Variants in RIN2 observed in about 807,000 individuals in gnomAD.
The protein encoded by RIN2 is RAB5 interacting protein 2.
Under a neutral mutation model 78.0 loss-of-function variants are expected in RIN2, and 36 were observed. The ratio of observed to expected loss-of-function variants is 0.46; its 90% confidence interval spans 0.35 to 0.61. RIN2 has a LOEUF of 0.61. Ranked by LOEUF, RIN2 falls within the 20% of genes least tolerant of loss-of-function variation. The pLI is 0.00. For missense variants in RIN2, 1,087 were observed against 1,159.7 expected, an observed-to-expected ratio of 0.94 and a Z score of 0.91; for synonymous variants, 466 against 466.8, an observed-to-expected ratio of 1.00 and a Z score of 0.02.
chr20:19,906,707 A>G (rs2039234014), intron 3 of RIN2, among the ~76,000 whole-genome samples: 1 of 152,218 alleles, frequency 6.6e-6, no homozygotes. Flanking sequence ...AAGAAGCTGG[A>G]AACCTGAATT....
chr20:19,876,907 A>AAG (rs1555782274), intron 2 of RIN2, among the ~76,000 whole-genome samples: 2 of 151,426 alleles, frequency 1.3e-5, no homozygotes, highest in Non-Finnish European at 1.5e-5. Context: ...ATCTCAAAAA[A>AAG]AAAAAACAAA....
At chr20:19,897,826 A>G (rs2038804574) in intron 3 of RIN2, among the ~76,000 whole-genome samples, 1 of 151,410 alleles carries the variant, frequency 6.6e-6, no homozygotes, top group Non-Finnish European at 1.5e-5. Flanking sequence ...ATCTTCCCCC[A>G]TCAGCCTCCC....
upstream of RIN2, chr20:19,758,132 C>A (rs1399066136): frequency 1.3e-5 from 2 of 152,514 alleles, no homozygotes; most frequent in African/African-American, 4.8e-5. Flanking sequence ...AGGGACGGCC[C>A]GAGGCAAACA....
chr20:19,916,477 G>T (rs948309321), intron 3 of RIN2, among the ~76,000 whole-genome samples: 1 of 151,924 alleles, frequency 6.6e-6, no homozygotes, highest in Admixed American at 6.6e-5. Context: ...ATATTAGCTG[G>T]GCGTGGTGGC....
intron 1 of RIN2, among the ~76,000 whole-genome samples, chr20:19,772,266 T>C (rs947528293): frequency 4.6e-5 from 7 of 152,236 alleles, no homozygotes; most frequent in Non-Finnish European, 8.8e-5. Context: ...CAGCTTTCAT[T>C]TTACAAAGAA....
At chr20:19,814,659 G>A (rs1331421734) in intron 2 of RIN2, among the ~76,000 whole-genome samples, 1 of 152,120 alleles carries the variant, frequency 6.6e-6, no homozygotes. Context: ...GAGTGCAGTG[G>A]CACAATCAGA....
chr20:19,984,045 A>G (rs1393283819), intron 9 of RIN2, among the ~76,000 whole-genome samples: 1 of 138,806 alleles, frequency 7.2e-6, no homozygotes, highest in South Asian at 2.4e-4. Context: ...CCACCCAACA[A>G]CAGGCCCCCA....
intron 2 of RIN2, among the ~76,000 whole-genome samples, chr20:19,871,241 T>C (rs2037680906): frequency 6.6e-6 from 1 of 152,176 alleles, no homozygotes; most frequent in Non-Finnish European, 1.5e-5. Context: ...CACTTCTTTT[T>C]CTTTGAATTT....
intron 2 of RIN2, among the ~76,000 whole-genome samples, chr20:19,871,470 T>C (rs1453113041): frequency 6.6e-6 from 1 of 152,118 alleles, no homozygotes; most frequent in Non-Finnish European, 1.5e-5. Context: ...CCTACTAAAA[T>C]GAGGGAGCAG....
At chr20:19,977,078 G>A (rs1235693889) in intron 9 of RIN2, among the ~76,000 whole-genome samples, 1 of 152,158 alleles carries the variant, frequency 6.6e-6, no homozygotes, top group Non-Finnish European at 1.5e-5. Context: ...TATCCACACA[G>A]GCTGCCTTTT....
intron 1 of RIN2, among the ~76,000 whole-genome samples, chr20:19,773,226 T>C (rs1327536280): frequency 6.6e-6 from 1 of 152,196 alleles, no homozygotes; most frequent in East Asian, 1.9e-4. Context: ...TCCTGTTGGA[T>C]TGGGGCTCAT....
chr20:19,852,208 A>G (rs2037005090), intron 2 of RIN2, among the ~76,000 whole-genome samples: 1 of 152,236 alleles, frequency 6.6e-6, no homozygotes, highest in Admixed American at 6.5e-5. Context: ...GGAACTGCAA[A>G]GCCACATGGC....
At chr20:19,829,138 C>A (rs556779578) in intron 2 of RIN2, among the ~76,000 whole-genome samples, 1 of 152,082 alleles carries the variant, frequency 6.6e-6, no homozygotes, top group Non-Finnish European at 1.5e-5. Flanking sequence ...TATGATGGGA[C>A]GCTTTGGGTG....
chr20:19,819,551 C>T (rs779703043), intron 2 of RIN2, among the ~76,000 whole-genome samples: 1 of 152,130 alleles, frequency 6.6e-6, no homozygotes, highest in Non-Finnish European at 1.5e-5. Context: ...CAATTGAAAT[C>T]GTATATGTAT....
At chr20:19,835,732 G>T (rs1247692155) in intron 2 of RIN2, among the ~76,000 whole-genome samples, 1 of 151,974 alleles carries the variant, frequency 6.6e-6, no homozygotes, top group East Asian at 1.9e-4. Flanking sequence ...GAAGTTGAGT[G>T]GATGCTCAGA....
At chr20:19,946,964 G>A (rs529256560) in intron 4 of RIN2, among the ~76,000 whole-genome samples, 11 of 151,224 alleles carry the variant, frequency 7.3e-5, no homozygotes, top group Admixed American at 4.0e-4. Context: ...CCAGGAGGTG[G>A]AGGTTGCAGT....
chr20:19,954,697 T>C (rs2063312), intron 4 of RIN2, among the ~76,000 whole-genome samples: 19 of 56,546 alleles, frequency 3.4e-4, no homozygotes, highest in East Asian at 1.5e-3. Flanking sequence ...CAAACTGCCC[T>C]GTGCCCCTCA....
chr20:19,952,446 G>T (rs144084809), intron 4 of RIN2, among the ~76,000 whole-genome samples: 154 of 152,336 alleles, frequency 1.0e-3, no homozygotes, highest in African/African-American at 3.5e-3. Context: ...AATTTGTCCT[G>T]TAATAATATG....
chr20:19,872,918 G>A (rs2123378293), intron 2 of RIN2, among the ~76,000 whole-genome samples: 2 of 151,918 alleles, frequency 1.3e-5, no homozygotes, highest in South Asian at 4.2e-4. Context: ...TGCATGTAAG[G>A]TACCTGCACT....
Sources: allele counts gnomAD v4.1 joint callset (sites outside exome capture counted in the v4.1 genomes callset), GRCh38; gene constraint gnomAD v4.1.1; transcripts MANE v1.5; gene names NCBI Gene and HGNC (gene_info 2026-07-23, HGNC 2026-07-21).